FBLN2: variants seen among roughly 807,000 people sequenced by gnomAD.
FBLN2 encodes fibulin-2.
In FBLN2, 81 loss-of-function variants were observed where a neutral mutation model predicts 123.7. The observed-to-expected ratio is 0.65, with a 90% CI of 0.55 to 0.79. The LOEUF is 0.79. Among genes scored for constraint, FBLN2 ranks in the 30% least tolerant of loss-of-function variants. The pLI, the probability that FBLN2 is intolerant of heterozygous loss-of-function variation, is 0.00. For missense variants in FBLN2, 1,603 were observed against 1,681.3 expected (o/e 0.95, Z 0.81); for synonymous variants, 699 against 701.4 (o/e 1.00, Z 0.05).
intron 2 of FBLN2, among the ~76,000 whole-genome samples, chr3:13,579,234 C>A (rs546394625): frequency 1.6e-4 from 25 of 152,320 alleles, no homozygotes; most frequent in African/African-American, 5.8e-4. Context: ...ACTAATGATG[C>A]TGAGCATGTG....
intron 15 of FBLN2, 140 bp from the exon 16 acceptor site, chr3:13,631,189 T>G: frequency 8.9e-7 from 1 of 1,128,690 alleles, no homozygotes; most frequent in Non-Finnish European, 1.2e-6. Context: ...GGCAACTCTC[T>G]TCTACTCTCT....
At chr3:13,615,095 T>C (rs1427276531) in intron 5 of FBLN2, among the ~76,000 whole-genome samples, 1 of 152,266 alleles carries the variant, frequency 6.6e-6, no homozygotes, top group Non-Finnish European at 1.5e-5. Context: ...CTGTTCCAGC[T>C]GCCATGTCCA....
chr3:13,637,707 G>T lies in FBLN2; in HGVS notation c.3484G>T (p.Asp1162Tyr), dbSNP rs776477682. 2 of 1,614,008 alleles carry T rather than the reference G, an allele frequency of 1.2e-6. No homozygotes were observed. ...TGGCCCCGCGCCAGCCTTCACGGGGGACACCATCGCCCTGAACATCATCAA... is the reference window on the plus strand; with the variant it reads ...TGGCCCCGCGCCAGCCTTCACGGGGTACACCATCGCCCTGAACATCATCAA... ...RIGPAPAFTGDTIALNIIKGN... is the reference protein window; with the variant it reads ...RIGPAPAFTGYTIALNIIKGN... The change falls in exon 18 of 18, where the codon GAC becomes TAC. Residue 1162 changes from aspartate (D) to tyrosine (Y), a missense_variant. Transcript: ENST00000404922.
chr3:13,619,054 A>G (rs1225886422), intron 7 of FBLN2, 37 bp downstream of exon 7: 1 of 1,524,974 alleles, frequency 6.6e-7, no homozygotes, highest in South Asian at 1.2e-5. Context: ...GACAGGGCCC[A>G]GGGTCCAGGG....
intron 10 of FBLN2, among the ~76,000 whole-genome samples, chr3:13,626,823 C>T (rs995233426): frequency 7.9e-5 from 12 of 152,170 alleles, no homozygotes; most frequent in African/African-American, 2.9e-4. Context: ...TAGGTCCACC[C>T]CGGCTTTGCT....
intron 16 of FBLN2, 21 bp downstream of exon 16, chr3:13,631,478 G>T (rs770062808): frequency 1.3e-6 from 2 of 1,565,808 alleles, no homozygotes; most frequent in Non-Finnish European, 1.7e-6. Context: ...CCCCCCACAC[G>T]CCCCCGCCTC....
At chr3:13,555,750 A>C (rs1226873026) in intron 1 of FBLN2, among the ~76,000 whole-genome samples, 6 of 152,228 alleles carry the variant, frequency 3.9e-5, no homozygotes, top group Non-Finnish European at 8.8e-5. Context: ...CACTGTGCCC[A>C]GCACCCTGGT....
chr3:13,581,820 C>T (rs1381382432), intron 2 of FBLN2, among the ~76,000 whole-genome samples: 2 of 152,182 alleles, frequency 1.3e-5, no homozygotes, highest in African/African-American at 4.8e-5. Flanking sequence ...CCCTTCCCAC[C>T]GTGGTGTCAA....
At chr3:13,576,340 C>A (rs1279215440) in intron 2 of FBLN2, among the ~76,000 whole-genome samples, 3 of 152,218 alleles carry the variant, frequency 2.0e-5, no homozygotes, top group African/African-American at 7.2e-5. Context: ...CTCTTCCTCA[C>A]AGCCCCCAGT....
At chr3:13,602,708 G>T (rs373831190) in intron 2 of FBLN2, among the ~76,000 whole-genome samples, 1 of 151,960 alleles carries the variant, frequency 6.6e-6, no homozygotes, top group Admixed American at 6.6e-5. Flanking sequence ...TTGTTATGGG[G>T]GTATAGGAAA....
chr3:13,618,854 T>C, intron 6 of FBLN2, 50 bp from the exon 7 acceptor site: 1 of 1,433,708 alleles, frequency 7.0e-7, no homozygotes, highest in Non-Finnish European at 9.7e-7. Context: ...GAGGCCTGGC[T>C]GAAGACCTGA....
chr3:13,585,953 G>A (rs1335087461), intron 2 of FBLN2, among the ~76,000 whole-genome samples: 2 of 152,142 alleles, frequency 1.3e-5, no homozygotes, highest in Non-Finnish European at 2.9e-5. Context: ...TGTGTTATTT[G>A]GCTTTCTACT....
chr3:13,555,872 C>T (rs1245071558), intron 1 of FBLN2, among the ~76,000 whole-genome samples: 1 of 152,360 alleles, frequency 6.6e-6, no homozygotes, highest in East Asian at 1.9e-4. Context: ...GGGGACATTT[C>T]CTCACAAGAT....
intron 7 of FBLN2, 58 bp from the exon 8 acceptor site, chr3:13,619,672 C>T: frequency 2.8e-6 from 4 of 1,429,556 alleles, no homozygotes; most frequent in Non-Finnish European, 3.9e-6. Context: ...GGGGAATGAG[C>T]CAGTGTGGAC....
chr3:13,619,873 T>A (rs765527035), intron 8 of FBLN2, 42 bp downstream of exon 8: 6 of 1,541,900 alleles, frequency 3.9e-6, no homozygotes, highest in Non-Finnish European at 5.3e-6. Context: ...CAAACCTGAG[T>A]TGGCCTGTGA....
At chr3:13,564,420 AT>A (rs1187674339) in intron 1 of FBLN2, among the ~76,000 whole-genome samples, 1 of 152,238 alleles carries the variant, frequency 6.6e-6, no homozygotes, top group Non-Finnish European at 1.5e-5. Context: ...TTTTAAAGCC[AT>A]ACTGGCGCCA....
chr3:13,636,251 T>C (rs3816411), intron 16 of FBLN2, among the ~76,000 whole-genome samples, 194 bp from the exon 17 acceptor site: 92,340 of 152,090 alleles, frequency 0.61, 28,159 homozygotes, highest in Admixed American at 0.66. Context: ...CATGAGGTGA[T>C]TGACACTTTA....
intron 1 of FBLN2, among the ~76,000 whole-genome samples, chr3:13,562,090 G>A (rs1388847557): frequency 6.6e-6 from 1 of 152,194 alleles, no homozygotes; most frequent in African/African-American, 2.4e-5. Flanking sequence ...CCAAGAGCAA[G>A]TTTATTTTTC....
Position 13,612,077 on chromosome 3 carries a change from C to T in FBLN2, c.1549-1907C>T, listed in dbSNP as rs11719070. ...AAGCCTGGGTGATGGTGACAGAGAC[C>T]GCTGGATGGTTCTGGCATTTGGGAG... On this transcript the variant is annotated intron_variant, in intron 4 of 17. Transcript: ENST00000404922. Among the ~76,000 whole-genome samples the T allele has an allele frequency of 3.5e-3, 530 of 152,120 alleles. 2 individuals are homozygous for T. The highest frequency in any genetic ancestry group is 6.0e-3 in the Non-Finnish European group (407 of 67,994).
Sources: gnomAD v4.1 joint callset for allele counts (sites outside exome capture counted in the v4.1 genomes callset) on GRCh38, gnomAD v4.1.1 for gene constraint, MANE v1.5 for transcripts, NCBI Gene and HGNC (gene_info 2026-07-23, HGNC 2026-07-21) for gene names.